MND1: variants seen among roughly 807,000 people sequenced by gnomAD.
MND1 encodes meiotic nuclear division protein 1 homolog.
Under a neutral mutation model 35.1 loss-of-function variants are expected in MND1, and 28 were observed. The ratio of observed to expected loss-of-function variants is 0.80; its 90% CI spans 0.59 to 1.09. The LOEUF (loss-of-function observed/expected upper bound fraction) is 1.09. Among genes scored for constraint, MND1 ranks in the 50% least tolerant of loss-of-function variants. The pLI, the probability that MND1 is intolerant of heterozygous loss-of-function variation, is 0.00. For synonymous variants in MND1, 69 were observed against 70.5 expected (o/e 0.98, Z 0.11); for missense variants, 213 against 239.6 (o/e 0.89, Z 0.73).
intron 6 of MND1, 40 bp from the exon 7 acceptor site, chr4:153,408,931 T>TATAA: frequency 8.8e-6 from 6 of 680,494 alleles, no homozygotes; most frequent in Non-Finnish European, 8.2e-6. Flanking sequence ...TATATATATA[T>TATAA]ATAAATACAT....
At chr4:153,390,716 C>CATGTG (rs1300871804) in intron 4 of MND1, among the ~76,000 whole-genome samples, 2 of 151,954 alleles carry the variant, frequency 1.3e-5, no homozygotes, top group Non-Finnish European at 2.9e-5. Flanking sequence ...GGCGTGGTAG[C>CATGTG]ATGTGTCTGT....
chr4:153,372,959 C>G (rs966698237), intron 4 of MND1, among the ~76,000 whole-genome samples: 1 of 149,930 alleles, frequency 6.7e-6, no homozygotes, highest in Non-Finnish European at 1.5e-5. Context: ...AGGTAATATT[C>G]TTTGTTCTGG....
chr4:153,365,731 C>G (rs1773622065), intron 4 of MND1, among the ~76,000 whole-genome samples: 1 of 152,070 alleles, frequency 6.6e-6, no homozygotes, highest in Admixed American at 6.6e-5. Flanking sequence ...TCGCAAAGTT[C>G]TGGGATTACT....
intron 6 of MND1, among the ~76,000 whole-genome samples, chr4:153,399,187 G>T (rs1461291637): frequency 6.6e-6 from 1 of 151,988 alleles, no homozygotes; most frequent in Non-Finnish European, 1.5e-5. Flanking sequence ...TCCTTGGTGT[G>T]CTACCTCTTT....
intron 4 of MND1, among the ~76,000 whole-genome samples, chr4:153,364,208 A>G (rs1022588027): frequency 2.6e-5 from 4 of 152,002 alleles, no homozygotes; most frequent in Non-Finnish European, 4.4e-5. Flanking sequence ...CTCCTCAAAG[A>G]GTTATAAATA....
intron 7 of MND1, among the ~76,000 whole-genome samples, chr4:153,414,217 A>G (rs1347654853): frequency 5.9e-5 from 9 of 152,166 alleles, no homozygotes; most frequent in African/African-American, 2.4e-5. Context: ...TCTGGTATTT[A>G]GCAGCAAGCA....
chr4:153,378,592 G>A (rs1728575134), intron 4 of MND1, among the ~76,000 whole-genome samples: 1 of 152,124 alleles, frequency 6.6e-6, no homozygotes, highest in African/African-American at 2.4e-5. Context: ...AATACACTTT[G>A]GAGAAATGCT....
chr4:153,413,914 C>T (rs139422028), intron 7 of MND1, among the ~76,000 whole-genome samples: 120 of 152,256 alleles, frequency 7.9e-4, no homozygotes, highest in African/African-American at 2.6e-3. Flanking sequence ...AGTAGACATA[C>T]CACTTTTTTT....
At chr4:153,369,381 A>T (rs1012239558) in intron 4 of MND1, among the ~76,000 whole-genome samples, 1 of 152,224 alleles carries the variant, frequency 6.6e-6, no homozygotes. Flanking sequence ...GAGATTACAC[A>T]TGAGCATAAA....
chr4:153,390,756 G>A (rs1420503996), intron 4 of MND1, among the ~76,000 whole-genome samples: 1 of 152,064 alleles, frequency 6.6e-6, no homozygotes, highest in Non-Finnish European at 1.5e-5. Context: ...GCTGAGGTGG[G>A]AGGATTGTTT....
chr4:153,361,841 GA>G (rs58481872), intron 4 of MND1, among the ~76,000 whole-genome samples: 3 of 148,188 alleles, frequency 2.0e-5, no homozygotes, highest in Admixed American at 6.7e-5. Flanking sequence ...CAAAAAAAAA[GA>G]AAAAAAAAAG....
intron 7 of MND1, among the ~76,000 whole-genome samples, chr4:153,412,768 G>A (rs571099116): frequency 2.2e-4 from 33 of 150,250 alleles, no homozygotes; most frequent in East Asian, 3.9e-4. Context: ...CATTACAGGC[G>A]TGAGCCACCG....
At chr4:153,397,438 C>G in intron 6 of MND1, 105 bp downstream of exon 6, 1 of 743,946 alleles carries the variant, frequency 1.3e-6, no homozygotes. Context: ...GAAAATAAAA[C>G]TAGTTAAGGT....
At chr4:153,399,890 A>ATTT (rs34815482) in intron 6 of MND1, among the ~76,000 whole-genome samples, 1 of 71,118 alleles carries the variant, frequency 1.4e-5, no homozygotes, top group African/African-American at 6.6e-5. Context: ...TTTCAGTGAG[A>ATTT]TTTTTTTTTT....
intron 7 of MND1, 112 bp from the exon 8 acceptor site, chr4:153,414,639 T>C: frequency 4.0e-6 from 2 of 494,672 alleles, no homozygotes; most frequent in South Asian, 8.0e-5. Context: ...ACTCCTTATT[T>C]TGATATATCT....
At chr4:153,384,038 T>A (rs927329928) in intron 4 of MND1, among the ~76,000 whole-genome samples, 2 of 152,144 alleles carry the variant, frequency 1.3e-5, no homozygotes, top group African/African-American at 2.4e-5. Flanking sequence ...TTGCATGTCT[T>A]TGACTCTCAA....
intron 4 of MND1, among the ~76,000 whole-genome samples, chr4:153,366,187 C>T (rs1334196294): frequency 6.6e-6 from 1 of 152,154 alleles, no homozygotes; most frequent in Non-Finnish European, 1.5e-5. Context: ...TGTCAAATTT[C>T]CCTTTAATAA....
At chr4:153,348,328 G>A (rs1030396870) in intron 1 of MND1, among the ~76,000 whole-genome samples, 3 of 152,156 alleles carry the variant, frequency 2.0e-5, no homozygotes, top group African/African-American at 7.2e-5. Context: ...GTATGAGAGA[G>A]GAAGAGTTCA....
intron 6 of MND1, 57 bp from the exon 7 acceptor site, chr4:153,408,914 A>G (rs28609501): frequency 3.4e-3 from 767 of 228,566 alleles, no homozygotes; most frequent in East Asian, 0.015. Flanking sequence ...TTTTGTGTGT[A>G]TATATATATA....
Sources: allele counts gnomAD v4.1 joint callset (sites outside exome capture counted in the v4.1 genomes callset), GRCh38; gene constraint gnomAD v4.1.1; transcripts MANE v1.5; gene names NCBI Gene and HGNC (gene_info 2026-07-23, HGNC 2026-07-21).